The following CCDC141 variants were observed in gnomAD, a reference collection of about 807,000 sequenced individuals.
CCDC141 encodes the protein coiled-coil domain-containing protein 141.
In CCDC141, 168 loss-of-function variants were observed where a neutral mutation model predicts 181.0. That is an observed-to-expected ratio of 0.93 (90% CI 0.82 to 1.05). The LOEUF (loss-of-function observed/expected upper bound fraction) is 1.05, where lower values mean the gene tolerates loss of function less well. CCDC141 is among the 50% of genes least tolerant of loss of function. CCDC141 has a pLI of 0.00. For synonymous variants in CCDC141, 666 were observed against 642.3 expected (o/e 1.04, Z -0.56); for missense variants, 1,902 against 1,788.5 (o/e 1.06, Z -1.14).
intron 2 of CCDC141, among the ~76,000 whole-genome samples, chr2:179,026,418 A>C (rs1303997574): frequency 3.3e-5 from 5 of 152,172 alleles, no homozygotes; most frequent in African/African-American, 1.2e-4. Flanking sequence ...CTTCCATGTG[A>C]TGTTGAGCCT....
chr2:178,819,578 A>T, the CCDC141 span, among the ~76,000 whole-genome samples: 9 of 152,326 alleles, frequency 5.9e-5, no homozygotes, highest in African/African-American at 2.2e-4. Flanking sequence ...TTCCTTAAAT[A>T]GTGGTTCTCA....
chr2:178,878,300 T>TTTATTTATTTA (rs11282658), intron 11 of CCDC141, among the ~76,000 whole-genome samples, 157 bp from the exon 12 acceptor site: 1 of 142,964 alleles, frequency 7.0e-6, no homozygotes, highest in African/African-American at 2.6e-5. Context: ...TATTTATTTA[T>TTTATTTATTTA]TTTATTTATT....
chr2:178,952,931 T>C (rs976230662), intron 5 of CCDC141, among the ~76,000 whole-genome samples: 2 of 152,216 alleles, frequency 1.3e-5, no homozygotes, highest in African/African-American at 2.4e-5. Context: ...AAATGCATTA[T>C]AAATAGATGC....
chr2:178,974,248 G>A (rs1691023721), intron 4 of CCDC141, among the ~76,000 whole-genome samples: 2 of 152,178 alleles, frequency 1.3e-5, no homozygotes, highest in Non-Finnish European at 2.9e-5. Context: ...GGCTGGTGGA[G>A]CTAGAAGTCA....
chr2:178,896,390 G>A (rs577574870), intron 8 of CCDC141, among the ~76,000 whole-genome samples: 1 of 152,124 alleles, frequency 6.6e-6, no homozygotes, highest in East Asian at 1.9e-4. Context: ...GACTGGACGC[G>A]GGACAGGTTC....
At chr2:178,948,660 T>C (rs1305967207) in intron 5 of CCDC141, among the ~76,000 whole-genome samples, 1 of 152,144 alleles carries the variant, frequency 6.6e-6, no homozygotes, top group Non-Finnish European at 1.5e-5. Flanking sequence ...CCCTCATGAA[T>C]AGATTAATGC....
chr2:178,939,646 C>A (rs1410094259), intron 6 of CCDC141, among the ~76,000 whole-genome samples: 2 of 152,012 alleles, frequency 1.3e-5, no homozygotes, highest in Admixed American at 1.3e-4. Flanking sequence ...CAACTCTCCA[C>A]CATGTGAGGT....
At chr2:178,881,911 TCTCTCACACA>T (rs1475143884) in intron 11 of CCDC141, among the ~76,000 whole-genome samples, 33 of 107,240 alleles carry the variant, frequency 3.1e-4, no homozygotes, top group Admixed American at 1.1e-3. Context: ...TCTCTCTCTC[TCTCTCACACA>T]CACACACACA....
chr2:178,817,688 GA>G, the CCDC141 span: 1 of 363,236 alleles, frequency 2.8e-6, no homozygotes. Flanking sequence ...ATACTAAAAG[GA>G]AAAGGAAATT....
chr2:179,040,342 A>G (rs1257643995), intron 2 of CCDC141, among the ~76,000 whole-genome samples: 1 of 152,252 alleles, frequency 6.6e-6, no homozygotes, highest in African/African-American at 2.4e-5. Context: ...TCTAAAGAGC[A>G]TAGAAAAGGA....
At chr2:178,996,093 T>G (rs1692276241) in intron 2 of CCDC141, among the ~76,000 whole-genome samples, 1 of 151,624 alleles carries the variant, frequency 6.6e-6, no homozygotes, top group Admixed American at 6.6e-5. Flanking sequence ...ATTCTTTTTT[T>G]TTTTTTTTGG....
At position 178,844,766 on chromosome 2, in the gene CCDC141, G is replaced by GTT. The variant is rs3045633; in HGVS notation, c.3474+858_3474+859dup. On this transcript the variant is annotated intron_variant, in intron 22 of 23. Coordinates refer to ENST00000443758, the MANE Select transcript of CCDC141 (RefSeq NM_173648.4). ...TTACAAATGGAGAGGGTTTTTGTTT[G>GTT]TTTTTAACTCTCATGTCACAAGAAG... 5.9e-3 allele frequency among the ~76,000 whole-genome samples: 894 copies of GTT among 152,248 alleles called. 47 individuals carry two copies. Among genetic ancestry groups the GTT allele is most frequent in the Admixed American group, 0.053 (818 of 15,290 alleles).
In CCDC141 at chr2:178,834,371, C is replaced by T. The variant is rs772119617; in HGVS notation, c.4395G>A (p.Ser1465=). The T allele has an allele frequency of 7.3e-5, 112 of 1,536,196 alleles. No individual in the cohort carries two copies. The highest frequency in any genetic ancestry group is 9.1e-5 in the Non-Finnish European group (104 of 1,146,886). ...LQVLHKETRH[S]VFIPKVCKAD... is the part of the protein sequence containing the mutation. ...CCTTGCATACCTTTGGAATGAACAC[C>T]GAATGCCTTGTCTCCTTGTGTAAAA... Residue 1465 remains serine (S), a synonymous_variant, in exon 24 of 24, where the codon TCG becomes TCA. Coordinates refer to ENST00000443758, the MANE Select transcript of CCDC141 (RefSeq NM_173648.4).
chr2:178,876,507 G>A (rs1293633764), intron 12 of CCDC141: 3 of 152,194 alleles, frequency 2.0e-5, no homozygotes, highest in African/African-American at 4.8e-5. Flanking sequence ...ATACTAGGTA[G>A]GTAAACCTTC....
rs1575295492 is a variant in CCDC141 at position 178,979,837 on chromosome 2, A to T, written c.226-1162T>A. Reference sequence around the variant, plus strand: ...AACCAGTCTTACATCAAACAAATAGATAACAAGAACTACAATTATGGACTG... The same window carrying T: ...AACCAGTCTTACATCAAACAAATAGTTAACAAGAACTACAATTATGGACTG... On this transcript the variant is annotated intron_variant, in intron 2 of 23. Transcript: ENST00000443758. 2.0e-5 allele frequency among the ~76,000 whole-genome samples: 3 copies of T among 152,326 alleles called. No homozygotes were observed. In the East Asian group the frequency reaches 5.8e-4, roughly 29 times the overall value.
chr2:178,855,638 G>A (rs1685352149), intron 18 of CCDC141, 97 bp from the exon 19 acceptor site: 4 of 682,902 alleles, frequency 5.9e-6, no homozygotes, highest in Non-Finnish European at 9.4e-6. Context: ...AAATTTTGCA[G>A]CTTCCTCCAA....
At chr2:178,884,635 C>A (rs945030255) in intron 11 of CCDC141, among the ~76,000 whole-genome samples, 11 of 152,148 alleles carry the variant, frequency 7.2e-5, no homozygotes, top group South Asian at 2.1e-4. Flanking sequence ...CCCCAACCCC[C>A]CTTTGGAAAA....
intron 4 of CCDC141, among the ~76,000 whole-genome samples, chr2:178,969,770 G>C (rs1008534922): frequency 3.3e-5 from 5 of 152,160 alleles, no homozygotes; most frequent in Non-Finnish European, 5.9e-5. Context: ...GGAAGTTCTG[G>C]CCAGGGCAGT....
rs1441775995 is a variant in CCDC141, at chr2:178,841,748, G to A, written c.3474+3878C>T. Among the ~76,000 whole-genome samples the A allele has an allele frequency of 3.9e-5, 6 of 152,220 alleles. No individual in the cohort carries two copies. The East Asian group carries it at 1.2e-3, about 29-fold the overall frequency. On this transcript the variant is annotated intron_variant, in intron 22 of 23. Coordinates refer to ENST00000443758, the MANE Select transcript of CCDC141 (RefSeq NM_173648.4). ...CAACCTGCATCTCCCAAGTTCAAAT[G>A]ATTCTCCTGCCTCAGGCTCCCAAGT...
Sources: allele counts gnomAD v4.1 joint callset (sites outside exome capture counted in the v4.1 genomes callset), GRCh38; gene constraint gnomAD v4.1.1; transcripts MANE v1.5; gene names NCBI Gene and HGNC (gene_info 2026-07-23, HGNC 2026-07-21).